CCNL2: variants seen among roughly 807,000 people sequenced by gnomAD.
CCNL2 encodes the protein cyclin L2.
CCNL2 carries 28 observed loss-of-function variants against 59.1 expected under a neutral mutation model. The observed-to-expected ratio is 0.47, with a 90% CI of 0.35 to 0.65. The LOEUF (loss-of-function observed/expected upper bound fraction) is 0.65. Among genes scored for constraint, CCNL2 ranks in the 30% least tolerant of loss-of-function variants. The pLI is 0.00. For synonymous variants in CCNL2, 342 were observed against 288.6 expected (o/e 1.19, Z -1.88); for missense variants, 714 against 717.4 (o/e 1.00, Z 0.05).
At chr1:1,396,673 C>T (rs928571304) in intron 3 of CCNL2, among the ~76,000 whole-genome samples, 3 of 150,494 alleles carry the variant, frequency 2.0e-5, no homozygotes, top group Admixed American at 6.6e-5. Flanking sequence ...TCTAACTCCC[C>T]GGTTCCAGCG....
At chr1:1,390,630 T>C (rs554464405) in intron 6 of CCNL2, 67 bp from the exon 7 acceptor site, 56 of 1,498,310 alleles carry the variant, frequency 3.7e-5, no homozygotes, top group Admixed American at 1.6e-4. Context: ...CTCAGGACAA[T>C]TAAAAAACAG....
At position 1,387,985 on chromosome 1, in the gene CCNL2, T is replaced by C. The variant is rs750105467; in HGVS notation, c.1087A>G (p.Lys363Glu). 2 of 1,614,110 alleles carry C rather than the reference T, an allele frequency of 1.2e-6. No homozygotes were observed. Among genetic ancestry groups the C allele is most frequent in the Non-Finnish European group, 1.7e-6 (2 of 1,180,030 alleles). ...ACGGGGCTGTCCGCCTTGGCTTTCT[T>C]GGCGCCCTCCAGCCTCCTCTTGGTG... ...KNTKRRLEGAKKAKADSPVNG... is the reference protein window; with the variant it reads ...KNTKRRLEGAEKAKADSPVNG... Residue 363 changes from lysine to glutamate, a missense_variant, in exon 9 of 11, where the codon AAG (lysine) becomes GAG (glutamate). This residue lies in a region of CCNL2 where 403 missense variants were observed against 377.7 expected (regional missense o/e 1.07). Transcript: ENST00000400809.
chr1:1,397,864 AG>A (rs1297955989), intron 3 of CCNL2, among the ~76,000 whole-genome samples: 1 of 152,162 alleles, frequency 6.6e-6, no homozygotes, highest in Non-Finnish European at 1.5e-5. Context: ...CTGTCTCAGG[AG>A]GAAAAAAAAG....
intron 5 of CCNL2, chr1:1,392,719 G>C: frequency 6.3e-7 from 1 of 1,594,328 alleles, no homozygotes; most frequent in Non-Finnish European, 8.6e-7. Flanking sequence ...GCCTGCACTG[G>C]ATTGGCTGAA....
intron 1 of CCNL2, 132 bp downstream of exon 1, chr1:1,398,887 C>T (rs567025715): frequency 7.0e-7 from 1 of 1,426,560 alleles, no homozygotes; most frequent in South Asian, 1.5e-5. Flanking sequence ...GGGAATGGCG[C>T]CGAGGCTGGG....
chr1:1,390,658 T>A, intron 6 of CCNL2, 95 bp from the exon 7 acceptor site: 1 of 1,477,156 alleles, frequency 6.8e-7, no homozygotes, highest in Non-Finnish European at 9.4e-7. Context: ...GTCACGAAAA[T>A]GCTTTGGCCC....
intron 1 of CCNL2, 155 bp downstream of exon 1, chr1:1,398,864 C>A (rs1645203442): frequency 2.2e-6 from 3 of 1,379,806 alleles, no homozygotes; most frequent in East Asian, 5.0e-5. Flanking sequence ...GGGTCAGGGG[C>A]ATGGGCTGGC....
At chr1:1,390,133 A>AAT in intron 8 of CCNL2, 97 bp downstream of exon 8, 4 of 1,121,434 alleles carry the variant, frequency 3.6e-6, no homozygotes, top group Non-Finnish European at 5.0e-6. Context: ...AAAAAAAAAA[A>AAT]TGTCTGGAAG....
At chr1:1,390,953 C>T (rs1368911269) in intron 5 of CCNL2, 88 bp from the exon 6 acceptor site, 20 of 1,136,666 alleles carry the variant, frequency 1.8e-5, no homozygotes, top group South Asian at 7.6e-5. Flanking sequence ...TCTAGATAAA[C>T]GTACTACTCC....
chr1:1,391,461 T>C (rs997707653), intron 5 of CCNL2: 2 of 1,256,782 alleles, frequency 1.6e-6, no homozygotes, highest in Non-Finnish European at 2.1e-6. Flanking sequence ...AAAAGCCCCT[T>C]GGGTGCAAGT....
intron 3 of CCNL2, among the ~76,000 whole-genome samples, chr1:1,397,770 C>A (rs1041834983): frequency 2.6e-5 from 4 of 152,158 alleles, no homozygotes; most frequent in Admixed American, 2.0e-4. Flanking sequence ...GAGGCTGAGG[C>A]AGGAGAAACT....
rs369182174 is a variant in CCNL2 at position 1,387,391 on chromosome 1, C to T, written c.1403G>A (p.Arg468His). ...CCGCTCCCGTGACCTGCTTCGAGAA[C>T]GGGAAGAACTCCGGCTCCGAGACTT... ...PHKSRSRSSS[R>H]SRSRSRERAD... The change falls in exon 11 of 11, where the codon CGT (arginine) becomes CAT (histidine). Residue 468 changes from arginine to histidine, a missense_variant. Physicochemically the swap from Arg to His is conservative, Grantham distance 29 (BLOSUM62 0). Coordinates refer to ENST00000400809, the MANE Select transcript of CCNL2 (RefSeq NM_030937.6). The T allele has an allele frequency of 4.3e-5, 70 of 1,614,048 alleles. No homozygotes were observed. The highest frequency in any genetic ancestry group is 8.3e-5 in the Admixed American group (5 of 60,004).
At chr1:1,390,944 C>G in intron 5 of CCNL2, 79 bp from the exon 6 acceptor site, 2 of 1,243,070 alleles carry the variant, frequency 1.6e-6, no homozygotes, top group Non-Finnish European at 2.4e-6. Flanking sequence ...TAGAGAAAAT[C>G]TAGATAAACG....
chr1:1,388,726 G>T (rs1299407776), intron 8 of CCNL2: 2 of 397,168 alleles, frequency 5.0e-6, no homozygotes, highest in Non-Finnish European at 9.8e-6. Context: ...ATCCCAGATA[G>T]CGCCACTGCA....
Position 1,387,111 on chromosome 1 carries a change from T to C in CCNL2, c.*120A>G. 2.7e-6 allele frequency: 2 copies of C among 738,944 alleles called. No individual in the cohort carries two copies. The highest frequency in any genetic ancestry group is 2.5e-5 in the East Asian group (1 of 39,594). 45.8% of individuals were successfully genotyped at this position (738,944 alleles called of 1,614,324 possible). On this transcript the variant is annotated 3_prime_UTR_variant, in exon 11 of 11. Transcript: ENST00000400809. ...GACATTTCCAAAAAGAATCCTGTTC[T>C]AGGACCACTTGCGCTGAGAGCACAC... is the stretch of plus-strand genomic sequence containing the variant.
chr1:1,390,623 A>C, intron 6 of CCNL2, 60 bp from the exon 7 acceptor site: 2 of 1,515,680 alleles, frequency 1.3e-6, no homozygotes, highest in Non-Finnish European at 1.8e-6. Flanking sequence ...AGCAAGACTC[A>C]GGACAATTAA....
chr1:1,387,678 G>T, intron 10 of CCNL2, 96 bp from the exon 11 acceptor site: 1 of 1,424,214 alleles, frequency 7.0e-7, no homozygotes, highest in Non-Finnish European at 9.6e-7. Flanking sequence ...CAAGCTCCAG[G>T]TTTAGAGAAA....
chr1:1,389,522 C>G (rs1372464663), intron 8 of CCNL2: 1 of 152,264 alleles, frequency 6.6e-6, no homozygotes, highest in East Asian at 1.9e-4. Flanking sequence ...ACCTGTCATA[C>G]TCCCTGCTAA....
chr1:1,388,921 C>A, intron 8 of CCNL2: 1 of 245,216 alleles, frequency 4.1e-6, no homozygotes, highest in Non-Finnish European at 8.1e-6. Context: ...ACTAAAAATA[C>A]AAAATTAGCT....
Sources: allele counts gnomAD v4.1 joint callset (sites outside exome capture counted in the v4.1 genomes callset), GRCh38; gene constraint gnomAD v4.1.1; regional missense constraint gnomAD v4.1.1; transcripts MANE v1.5; gene names NCBI Gene and HGNC (gene_info 2026-07-23, HGNC 2026-07-21).